The following CFAP46 variants were observed in gnomAD, a reference collection of about 807,000 sequenced individuals.
CFAP46 encodes cilia and flagella associated protein 46.
CFAP46 carries 245 observed loss-of-function variants against 325.7 expected under a neutral mutation model. The observed-to-expected ratio is 0.75, with a 90% CI of 0.68 to 0.84. The LOEUF (loss-of-function observed/expected upper bound fraction) is 0.84, where lower values mean the gene tolerates loss of function less well. Ranked by LOEUF, CFAP46 falls within the 40% of genes least tolerant of loss-of-function variation. CFAP46 has a pLI of 0.00. For synonymous variants in CFAP46, 1,523 were observed against 1,495.9 expected (o/e 1.02, Z -0.42); for missense variants, 3,346 against 3,543.0 (o/e 0.94, Z 1.41).
At chr10:132,845,691 G>A (rs1217538720) in intron 44 of CFAP46, among the ~76,000 whole-genome samples, 3 of 152,246 alleles carry the variant, frequency 2.0e-5, no homozygotes, top group East Asian at 3.8e-4. Flanking sequence ...TGACCAAGGT[G>A]TAAAATATTT....
chr10:132,847,267 C>G lies in CFAP46; in HGVS notation c.6007G>C (p.Gly2003Arg), dbSNP rs1294659894. Residue 2003 changes from glycine to arginine, a missense_variant, in exon 42 of 58, where the codon GGT (glycine) becomes CGT (arginine). Transcript: ENST00000368586. The surrounding 1 kb of genome is among the most constrained non-coding windows in gnomAD (Gnocchi z 5.2). ...KSLELEVEEE[G>R]ATKSSRDPPA... ...GGGTCCCTGCTGGACTTTGTGGCAC[C>G]CTCTTCCTCTACCTCCAGCTCCAGA... is the stretch of plus-strand genomic sequence containing the variant. The G allele has an allele frequency of 8.1e-6, 13 of 1,613,516 alleles. No homozygotes were observed. The South Asian group carries it at 1.4e-4, about 18-fold the overall frequency.
intron 43 of CFAP46, 78 bp from the exon 44 acceptor site, chr10:132,846,305 G>A: frequency 1.3e-6 from 2 of 1,490,256 alleles, no homozygotes; most frequent in Admixed American, 2.1e-5. Flanking sequence ...AGGGTGCGCA[G>A]CAGCTGCAGC....
intron 9 of CFAP46, among the ~76,000 whole-genome samples, chr10:132,928,410 G>A (rs1849842982): frequency 1.3e-5 from 2 of 152,212 alleles, no homozygotes; most frequent in Non-Finnish European, 2.9e-5. Context: ...GTGCGGCATG[G>A]GCTGCTGTTT....
chr10:132,826,128 G>A (rs373760981), intron 50 of CFAP46, among the ~76,000 whole-genome samples: 14 of 77,020 alleles, frequency 1.8e-4, no homozygotes, highest in South Asian at 9.6e-4. Flanking sequence ...GGCAGGAGCC[G>A]GAGCCACAGA....
rs755670531 is a variant in CFAP46 at position 132,929,681 on chromosome 10, C to T, written c.966+24G>A. On this transcript the variant is annotated intron_variant, in intron 9 of 57. Coordinates refer to ENST00000368586, the MANE Select transcript of CFAP46 (RefSeq NM_001200049.3). The stretch of plus-strand genomic sequence containing the variant: ...CGGTGAGCAGCGCCTCATCCCCAGG[C>T]AGCAGTGTCATGAAGCCACTTACTT... The T allele has an allele frequency of 8.1e-6, 13 of 1,598,994 alleles. No homozygotes were observed. In the Admixed American group the frequency reaches 8.3e-5, roughly 10 times the overall value.
Position 132,859,087 on chromosome 10 carries a change from G to A in CFAP46, c.5359C>T (p.Arg1787Cys), listed in dbSNP as rs745553147. 1.3e-6 allele frequency: 2 copies of A among 1,550,702 alleles called. No individual in the cohort carries two copies. The highest frequency in any genetic ancestry group is 8.7e-7 in the Non-Finnish European group (1 of 1,147,014). Residue 1787 changes from arginine (R) to cysteine (C), a missense_variant, in exon 38 of 58, where the codon CGT (arginine) becomes TGT (cysteine). Coordinates refer to ENST00000368586, the MANE Select transcript of CFAP46 (RefSeq NM_001200049.3). ...CAGCCTTACCTCTTGATCTTCGCAC[G>A]CTCTAGTTTTACGTCAACACAATTC... is the stretch of plus-strand genomic sequence containing the variant. ...KENCVDVKLE[R>C]AKIKRLRAQN...
In CFAP46 at chr10:132,834,041, T is replaced by C; in HGVS notation, c.6949A>G (p.Ser2317Gly). The C allele has an allele frequency of 6.2e-7, 1 of 1,613,772 alleles. No homozygotes were observed. Among genetic ancestry groups the C allele is most frequent in the East Asian group, 2.2e-5 (1 of 44,850 alleles). ...GAGTGGCCACGCCCGCCCCACTCAC[T>C]GTGTTGTCCTGTGGACGTTTTCCTC... ...KERKTSTGQH[S>G]TVQPEVADKI... The change falls in exon 49 of 58, where the codon AGC becomes GGC. Residue 2317 changes from serine to glycine, a missense_variant and splice_region_variant. Ser to Gly is a moderately conservative substitution (Grantham distance 56, BLOSUM62 0). Coordinates refer to ENST00000368586, the MANE Select transcript of CFAP46 (RefSeq NM_001200049.3).
intron 39 of CFAP46, among the ~76,000 whole-genome samples, chr10:132,853,331 A>G (rs571939464): frequency 3.3e-5 from 5 of 152,334 alleles, no homozygotes; most frequent in African/African-American, 9.6e-5. Flanking sequence ...TAGTTTTGAA[A>G]AAATATGGTG....
chr10:132,820,492 T>C (rs1020818737), intron 50 of CFAP46, among the ~76,000 whole-genome samples: 1 of 149,554 alleles, frequency 6.7e-6, no homozygotes, highest in Non-Finnish European at 1.5e-5. Context: ...TGATGTGTGC[T>C]GAGTGCTGAT....
At chr10:132,848,649 G>A (rs1320091125) in intron 41 of CFAP46, among the ~76,000 whole-genome samples, 2 of 152,224 alleles carry the variant, frequency 1.3e-5, no homozygotes, top group Non-Finnish European at 2.9e-5. Context: ...CAGCGGCACA[G>A]ATAAGGAAGT....
intron 50 of CFAP46, among the ~76,000 whole-genome samples, chr10:132,822,617 G>GA (rs1174548111): frequency 7.1e-6 from 1 of 141,340 alleles, no homozygotes; most frequent in Non-Finnish European, 1.5e-5. Flanking sequence ...GCTGTGTGTT[G>GA]TGTGAGTGCT....
intron 16 of CFAP46, among the ~76,000 whole-genome samples, chr10:132,917,092 C>T (rs1849651926): frequency 6.6e-6 from 1 of 152,362 alleles, no homozygotes; most frequent in Non-Finnish European, 1.5e-5. Flanking sequence ...GGCACAGCCC[C>T]GTGGCCGCCG....
chr10:132,818,389 G>A (rs1474866536), intron 50 of CFAP46, among the ~76,000 whole-genome samples: 1 of 152,100 alleles, frequency 6.6e-6, no homozygotes, highest in Non-Finnish European at 1.5e-5. Context: ...ATATTTTCAT[G>A]ATCATGAGGT....
chr10:132,877,032 G>A lies in CFAP46; in HGVS notation c.4213-71C>T. On this transcript the variant is annotated intron_variant, in intron 30 of 57. Transcript: ENST00000368586. This position sits in a 1 kb window ranked among gnomAD's most constrained non-coding sequence, Gnocchi z 5.7. ...AACAGCAGACACCCCCGGCCCACCGGCATGGCTGTGCAGCATTCAGGCCAC... is the reference window on the plus strand; with the variant it reads ...AACAGCAGACACCCCCGGCCCACCGACATGGCTGTGCAGCATTCAGGCCAC... 6.8e-7 allele frequency: 1 copy of A among 1,464,482 alleles called. No homozygotes were observed. Among genetic ancestry groups the A allele is most frequent in the Non-Finnish European group, 9.2e-7 (1 of 1,085,938 alleles). 90.7% of individuals were successfully genotyped at this position (1,464,482 alleles called of 1,614,324 possible). A position where few individuals can be genotyped will look rare whatever the true frequency, so the allele number is the denominator to read the frequency against.
In CFAP46 at chr10:132,880,886, G is replaced by A. The variant is rs1188060699; in HGVS notation, c.3774C>T (p.Val1258=). 5 of 1,549,426 alleles carry A rather than the reference G, an allele frequency of 3.2e-6. No individual in the cohort carries two copies. The highest frequency in any genetic ancestry group is 3.5e-6 in the Non-Finnish European group (4 of 1,146,962). ...CATCCGGCGTGGGCTGTGGCTCAGG[G>A]ACATCGCCGGGCGGCTTCATGGCCA... ...ILLAMKPPGD[V]PEPQPTPDGE... Residue 1258 remains valine, a synonymous_variant, in exon 28 of 58, where the codon GTC becomes GTT. Transcript: ENST00000368586.
At chr10:132,905,880 G>C (rs1395684234) in intron 22 of CFAP46, among the ~76,000 whole-genome samples, 2 of 152,238 alleles carry the variant, frequency 1.3e-5, no homozygotes, top group African/African-American at 4.8e-5. Context: ...TGCAGGGCTG[G>C]GGACGCACCC....
intron 49 of CFAP46, 93 bp downstream of exon 49, chr10:132,833,948 C>T (rs1014099639): frequency 3.4e-6 from 4 of 1,187,750 alleles, no homozygotes; most frequent in Middle Eastern, 2.8e-4. Context: ...CCTGACCCCC[C>T]CTGGCGTTCC....
intron 31 of CFAP46, among the ~76,000 whole-genome samples, chr10:132,873,403 G>C (rs1848920503): frequency 6.6e-6 from 1 of 152,048 alleles, no homozygotes; most frequent in Non-Finnish European, 1.5e-5. Flanking sequence ...CTGGCTATCA[G>C]GCACTGAGGC....
intron 13 of CFAP46, among the ~76,000 whole-genome samples, chr10:132,920,804 C>T (rs570128739): frequency 3.9e-5 from 6 of 152,328 alleles, no homozygotes; most frequent in African/African-American, 7.2e-5. Context: ...GGCAGGGCCC[C>T]GCAGCACCTC....
Sources: gnomAD v4.1 joint callset for allele counts (sites outside exome capture counted in the v4.1 genomes callset) on GRCh38, gnomAD v4.1.1 for gene constraint, Gnocchi (gnomAD v3.1) non-coding constraint, MANE v1.5 for transcripts, NCBI Gene and HGNC (gene_info 2026-07-23, HGNC 2026-07-21) for gene names.